The following DOCK4 variants were observed in gnomAD, a reference collection of about 807,000 sequenced individuals.
The protein encoded by DOCK4 is dedicator of cytokinesis 4.
DOCK4 carries 97 observed loss-of-function variants against 268.1 expected under a neutral mutation model. The ratio of observed to expected loss-of-function variants is 0.36; its 90% CI spans 0.31 to 0.43. The LOEUF is 0.43. DOCK4 is among the 20% of genes least tolerant of loss of function. DOCK4 has a pLI of 1.00. For missense variants in DOCK4, 2,145 were observed against 2,455.7 expected (o/e 0.87, Z 2.67); for synonymous variants, 954 against 887.2 (o/e 1.08, Z -1.34).
At chr7:111,872,163 A>C in intron 19 of DOCK4, 73 bp from the exon 20 acceptor site, 1 of 1,400,728 alleles carries the variant, frequency 7.1e-7, no homozygotes, top group East Asian at 2.5e-5. Flanking sequence ...GCTTCTTTTT[A>C]AAATGAACTC....
intron 11 of DOCK4, 92 bp downstream of exon 11, chr7:111,940,018 C>T (rs1233717760): frequency 1.5e-6 from 2 of 1,343,476 alleles, no homozygotes; most frequent in East Asian, 2.3e-5. Context: ...ACCCATTGTT[C>T]TTCTCTACCC....
chr7:112,037,810 T>A (rs566212994), intron 1 of DOCK4, among the ~76,000 whole-genome samples: 1 of 152,212 alleles, frequency 6.6e-6, no homozygotes, highest in Non-Finnish European at 1.5e-5. Flanking sequence ...TTTAATTTTA[T>A]AGGAGATATT....
chr7:112,046,586 A>C (rs975971828), intron 1 of DOCK4, among the ~76,000 whole-genome samples: 2 of 152,196 alleles, frequency 1.3e-5, no homozygotes, highest in African/African-American at 4.8e-5. Flanking sequence ...TGGGAGGCTG[A>C]GGTGGGAGGA....
chr7:111,761,853 A>C (rs190749253), intron 39 of DOCK4, among the ~76,000 whole-genome samples: 12 of 152,300 alleles, frequency 7.9e-5, no homozygotes, highest in Non-Finnish European at 7.4e-5. Context: ...ACAATTCTAG[A>C]TTTAAAACTT....
At chr7:111,862,482 CTTTTT>C (rs1168060750) in intron 23 of DOCK4, among the ~76,000 whole-genome samples, 90 of 83,352 alleles carry the variant, frequency 1.1e-3, no homozygotes, top group East Asian at 2.2e-3. Context: ...GAAAATCATT[CTTTTT>C]TTTTTTTTTT....
chr7:111,726,278 TA>T lies in DOCK4; in HGVS notation c.*1995del, dbSNP rs1373014188. 2.0e-5 allele frequency: 3 copies of T among 152,612 alleles called. No homozygotes were observed. The highest frequency in any genetic ancestry group is 2.0e-4 in the Admixed American group (3 of 15,276). The allele number at this position is 152,612 out of a possible 1,614,324, so 9.5% of individuals were successfully genotyped here. ...AACTGCTCACTGCCAAAATTTTTTT[TA>T]AAAAATGGCTCCAAGAGCAAATAAC... On this transcript the variant is annotated 3_prime_UTR_variant, in exon 53 of 53. Coordinates refer to ENST00000428084, the MANE Select transcript of DOCK4 (RefSeq NM_001363540.2).
intron 30 of DOCK4, among the ~76,000 whole-genome samples, chr7:111,802,467 T>C (rs1586030200): frequency 6.6e-6 from 1 of 152,014 alleles, no homozygotes; most frequent in African/African-American, 2.4e-5. Context: ...AGCTTTTGGG[T>C]ATGTGTGAAA....
chr7:111,896,506 T>TTTC (rs1808768394), intron 15 of DOCK4, among the ~76,000 whole-genome samples: 2 of 150,968 alleles, frequency 1.3e-5, no homozygotes, highest in South Asian at 2.1e-4. Context: ...TTTTTTTTTT[T>TTTC]CCTCCAAAAA....
At chr7:112,163,532 G>A (rs139104985) in intron 1 of DOCK4, among the ~76,000 whole-genome samples, 1 of 152,046 alleles carries the variant, frequency 6.6e-6, no homozygotes, top group South Asian at 2.1e-4. Flanking sequence ...GTTGTCTTTC[G>A]GTTGTGTGCA....
chr7:111,972,916 A>G lies in DOCK4; in HGVS notation c.701+4216T>C, dbSNP rs1232556351. Among the ~76,000 whole-genome samples, 7 of 151,446 alleles carry G rather than the reference A, an allele frequency of 4.6e-5. No homozygotes were observed. In the East Asian group the frequency reaches 9.7e-4, roughly 21 times the overall value. ...ACCTGAGCAGTGTACACTGTACCCAATGTGTAGTCTTTTATCTCTAATCAC... is the reference window on the plus strand; with the variant it reads ...ACCTGAGCAGTGTACACTGTACCCAGTGTGTAGTCTTTTATCTCTAATCAC... On this transcript the variant is annotated intron_variant, in intron 8 of 52. Transcript: ENST00000428084.
At chr7:111,848,649 TG>T in intron 23 of DOCK4, among the ~76,000 whole-genome samples, 1 of 152,094 alleles carries the variant, frequency 6.6e-6, no homozygotes, top group Non-Finnish European at 1.5e-5. Flanking sequence ...AAAAACACCA[TG>T]GTCTGGGGCG....
Position 111,742,006 on chromosome 7 carries a change from T to C in DOCK4, c.4797+7A>G. Reference sequence around the variant, plus strand: ...CTGCCCCGCCATGGACACCTAAGTATACATACCTGTATCCCTAAGCTCGAC... The same window carrying C: ...CTGCCCCGCCATGGACACCTAAGTACACATACCTGTATCCCTAAGCTCGAC... On this transcript the variant is annotated splice_region_variant and intron_variant, in intron 45 of 52. Transcript: ENST00000428084. 1 of 1,591,080 alleles carries C rather than the reference T, an allele frequency of 6.3e-7. No homozygotes were observed. The highest frequency in any genetic ancestry group is 2.2e-5 in the East Asian group (1 of 44,604).
At chr7:111,778,091 C>T (rs938606133) in intron 36 of DOCK4, among the ~76,000 whole-genome samples, 185 bp downstream of exon 36, 6 of 152,090 alleles carry the variant, frequency 3.9e-5, no homozygotes, top group African/African-American at 1.4e-4. Context: ...AGTCAAACAA[C>T]CTACATGTAT....
chr7:112,131,588 T>G (rs1346103974), intron 1 of DOCK4, among the ~76,000 whole-genome samples: 1 of 152,176 alleles, frequency 6.6e-6, no homozygotes, highest in African/African-American at 2.4e-5. Flanking sequence ...AGTGAATGTA[T>G]GCATGCATTG....
chr7:112,105,044 A>C (rs1811014186), intron 1 of DOCK4, among the ~76,000 whole-genome samples: 1 of 152,188 alleles, frequency 6.6e-6, no homozygotes, highest in Non-Finnish European at 1.5e-5. Flanking sequence ...ATCATAAAAA[A>C]CAGGAAGATA....
chr7:111,884,813 C>T (rs1318478960), intron 16 of DOCK4, among the ~76,000 whole-genome samples: 2 of 152,172 alleles, frequency 1.3e-5, no homozygotes, highest in African/African-American at 2.4e-5. Context: ...TTTCATTCAA[C>T]GACAAGGGAT....
chr7:111,774,329 A>C (rs751713193), intron 36 of DOCK4, among the ~76,000 whole-genome samples: 5 of 152,040 alleles, frequency 3.3e-5, no homozygotes, highest in African/African-American at 7.2e-5. Context: ...TTAGCTGGGC[A>C]TGGTGGCAGG....
At chr7:112,138,538 T>A (rs771071849) in intron 1 of DOCK4, among the ~76,000 whole-genome samples, 2 of 152,174 alleles carry the variant, frequency 1.3e-5, no homozygotes, top group Non-Finnish European at 2.9e-5. Flanking sequence ...AGACGAAGTA[T>A]GAATACCAAA....
At chr7:111,864,609 A>T (rs754345887) in intron 22 of DOCK4, among the ~76,000 whole-genome samples, 1 of 152,220 alleles carries the variant, frequency 6.6e-6, no homozygotes, top group Non-Finnish European at 1.5e-5. Flanking sequence ...AAAAATATCT[A>T]GAAGAGCCAA....
Sources: gnomAD v4.1 joint callset for allele counts (sites outside exome capture counted in the v4.1 genomes callset) on GRCh38, gnomAD v4.1.1 for gene constraint, MANE v1.5 for transcripts, NCBI Gene and HGNC (gene_info 2026-07-23, HGNC 2026-07-21) for gene names.